Variants in MAP2 observed in about 807,000 individuals in gnomAD.
The protein encoded by MAP2 is microtubule-associated protein 2.
A neutral mutation model predicts 137.6 loss-of-function variants in MAP2; 14 were observed. The observed-to-expected ratio is 0.10, with a 90% CI of 0.07 to 0.16. MAP2 has a LOEUF of 0.16. Ranked by LOEUF, MAP2 falls within the 10% of genes least tolerant of loss-of-function variation. MAP2 has a pLI of 1.00. For missense variants in MAP2, 2,088 were observed against 2,191.5 expected, an observed-to-expected ratio of 0.95 and a Z score of 0.94; for synonymous variants, 786 against 782.3, an observed-to-expected ratio of 1.00 and a Z score of -0.08.
chr2:209,463,769 G>A (rs572762105), intron 1 of MAP2, among the ~76,000 whole-genome samples: 9 of 152,170 alleles, frequency 5.9e-5, no homozygotes, highest in Non-Finnish European at 1.0e-4. Context: ...TAGTTGTCTC[G>A]TCCCACTTTC....
chr2:209,635,374 G>C (rs2093459904), intron 4 of MAP2, among the ~76,000 whole-genome samples: 1 of 152,140 alleles, frequency 6.6e-6, no homozygotes, highest in Admixed American at 6.6e-5. Context: ...ACTGAAGAAG[G>C]ATATATGGCC....
intron 2 of MAP2, among the ~76,000 whole-genome samples, chr2:209,577,842 A>G (rs2075598709): frequency 6.6e-6 from 1 of 152,326 alleles, no homozygotes; most frequent in Non-Finnish European, 1.5e-5. Context: ...TGCTTGATTT[A>G]TCTGATTGCC....
intron 1 of MAP2, among the ~76,000 whole-genome samples, chr2:209,428,346 T>C (rs978214378): frequency 6.6e-6 from 1 of 151,940 alleles, no homozygotes; most frequent in African/African-American, 2.4e-5. Context: ...GACAGTTTGT[T>C]TTCCGTTAAA....
Position 209,528,880 on chromosome 2 carries a change from A to G in MAP2, c.-172+21239A>G, listed in dbSNP as rs1005460107. On this transcript the variant is annotated intron_variant, in intron 2 of 15. Coordinates refer to ENST00000682079, the MANE Select transcript of MAP2 (RefSeq NM_001375505.1). ...TGTATATGTGTGTGTATATGTATAT[A>G]TGTGTGTATATACATATATATACAC... Among the ~76,000 whole-genome samples, 4 of 149,488 alleles carry G rather than the reference A, an allele frequency of 2.7e-5. No homozygotes were observed. In the East Asian group the frequency reaches 7.8e-4, roughly 29 times the overall value.
chr2:209,466,373 A>G (rs963010428), intron 1 of MAP2, among the ~76,000 whole-genome samples: 1 of 152,200 alleles, frequency 6.6e-6, no homozygotes. Context: ...GACATTTGGA[A>G]GTAGATTTTG....
At chr2:209,469,462 A>G (rs1031497510) in intron 1 of MAP2, among the ~76,000 whole-genome samples, 2 of 152,082 alleles carry the variant, frequency 1.3e-5, no homozygotes, top group Non-Finnish European at 2.9e-5. Flanking sequence ...CAAAAATTTT[A>G]TTTTGGGGGG....
intron 2 of MAP2, among the ~76,000 whole-genome samples, chr2:209,540,097 TAAAAAAAAAAAAAAA>T (rs35280709): frequency 2.5e-5 from 1 of 39,524 alleles, no homozygotes; most frequent in Non-Finnish European, 5.2e-5. Flanking sequence ...GGAGACGTTG[TAAAAAAAAAAAAAAA>T]AAAAAAAAAA....
intron 3 of MAP2, among the ~76,000 whole-genome samples, chr2:209,581,045 T>C (rs973781365): frequency 1.3e-5 from 2 of 152,168 alleles, no homozygotes; most frequent in African/African-American, 4.8e-5. Context: ...AATTTAATTT[T>C]TGAAAAATAT....
intron 13 of MAP2, among the ~76,000 whole-genome samples, chr2:209,720,600 C>G (rs981243156): frequency 7.5e-6 from 1 of 134,066 alleles, no homozygotes; most frequent in Non-Finnish European, 1.5e-5. Context: ...GATCGCGCCA[C>G]TGCACTCCAG....
intron 3 of MAP2, among the ~76,000 whole-genome samples, chr2:209,617,372 A>G (rs1211777482): frequency 6.6e-6 from 1 of 152,144 alleles, no homozygotes; most frequent in Non-Finnish European, 1.5e-5. Context: ...TGCCAAACCT[A>G]CCTAATCAGA....
rs76589761 is a variant in MAP2, at chr2:209,698,885, G to A, written c.4523-1392G>A. On this transcript the variant is annotated intron_variant, in intron 10 of 15. Coordinates refer to ENST00000682079, the MANE Select transcript of MAP2 (RefSeq NM_001375505.1). ...TAAAAACTCTATAACCTACCTAAAAGGATGAAAGATGTCATCAGGATTGTG... is the reference window on the plus strand; with the variant it reads ...TAAAAACTCTATAACCTACCTAAAAAGATGAAAGATGTCATCAGGATTGTG... Among the ~76,000 whole-genome samples the A allele has an allele frequency of 5.1e-3, 778 of 152,248 alleles. 4 individuals carry two copies. The highest frequency in any genetic ancestry group is 0.029 in the South Asian group (138 of 4,826).
intron 2 of MAP2, among the ~76,000 whole-genome samples, chr2:209,552,670 G>A (rs1001912260): frequency 1.1e-4 from 16 of 151,998 alleles, no homozygotes; most frequent in African/African-American, 1.7e-4. Flanking sequence ...AGACCAGTCT[G>A]GCCAACATAG....
intron 1 of MAP2, among the ~76,000 whole-genome samples, chr2:209,482,506 A>G (rs770443059): frequency 6.6e-5 from 10 of 152,158 alleles, no homozygotes; most frequent in African/African-American, 1.4e-4. Flanking sequence ...ACGTGTGGCA[A>G]TATGTGTTCA....
At chr2:209,429,122 T>G (rs1693502325) in intron 1 of MAP2, among the ~76,000 whole-genome samples, 1 of 151,508 alleles carries the variant, frequency 6.6e-6, no homozygotes, top group Non-Finnish European at 1.5e-5. Context: ...CCCGGCTAAT[T>G]TTTTGTATTT....
At chr2:209,454,283 A>G (rs1701014632) in intron 1 of MAP2, among the ~76,000 whole-genome samples, 1 of 152,026 alleles carries the variant, frequency 6.6e-6, no homozygotes. Context: ...GTAAGGCAGG[A>G]TTGTTCAACC....
At chr2:209,631,005 C>A (rs1316985449) in intron 4 of MAP2, among the ~76,000 whole-genome samples, 8 of 42,116 alleles carry the variant, frequency 1.9e-4, no homozygotes, top group South Asian at 1.3e-3. Flanking sequence ...GAGCTACAAG[C>A]AAAAAAAAAA....
intron 4 of MAP2, among the ~76,000 whole-genome samples, chr2:209,642,666 T>A (rs758660368): frequency 5.9e-5 from 9 of 152,180 alleles, no homozygotes; most frequent in Non-Finnish European, 1.3e-4. Context: ...TGATGAGTCA[T>A]CCTTATAGGT....
At chr2:209,491,561 T>A (rs937206641) in intron 1 of MAP2, among the ~76,000 whole-genome samples, 1 of 151,288 alleles carries the variant, frequency 6.6e-6, no homozygotes, top group Non-Finnish European at 1.5e-5. Flanking sequence ...GCCAGACCAA[T>A]AAAGAAGAGA....
intron 5 of MAP2, among the ~76,000 whole-genome samples, chr2:209,675,207 A>G (rs1361519053): frequency 6.6e-6 from 1 of 151,928 alleles, no homozygotes; most frequent in African/African-American, 2.4e-5. Context: ...TACTTCAAAG[A>G]AGAAAAAATT....
Sources: gnomAD v4.1 joint callset for allele counts (sites outside exome capture counted in the v4.1 genomes callset) on GRCh38, gnomAD v4.1.1 for gene constraint, MANE v1.5 for transcripts, NCBI Gene and HGNC (gene_info 2026-07-23, HGNC 2026-07-21) for gene names.